The following DECR2 variants were observed in gnomAD, a reference collection of about 807,000 sequenced individuals.
DECR2 encodes 2,4-dienoyl-CoA reductase 2.
A neutral mutation model predicts 29.2 loss-of-function variants in DECR2; 34 were observed. The ratio of observed to expected loss-of-function variants is 1.16; its 90% CI spans 0.89 to 1.55. The LOEUF (loss-of-function observed/expected upper bound fraction) is 1.55. Among genes scored for constraint, DECR2 ranks in the 40% most tolerant of loss-of-function variants. The pLI, the probability that DECR2 is intolerant of heterozygous loss-of-function variation, is 0.00. For synonymous variants in DECR2, 224 were observed against 182.7 expected (o/e 1.23, Z -1.82); for missense variants, 485 against 425.3 (o/e 1.14, Z -1.23).
At position 410,190 on chromosome 16, in the gene DECR2, T is replaced by C. The variant is rs2054793827; in HGVS notation, c.338-53T>C. On this transcript the variant is annotated intron_variant, in intron 4 of 8. Transcript: ENST00000219481. The surrounding 1 kb of genome is among the most constrained non-coding windows in gnomAD (Gnocchi z 4.1). ...CTCTGCCCACCTGGCCACCACCCAC[T>C]TGGCATCCCTCTCCCCAGGCTCCAG... is the stretch of plus-strand genomic sequence containing the variant. 1 of 1,587,302 alleles carries C rather than the reference T, an allele frequency of 6.3e-7. No homozygotes were observed. The highest frequency in any genetic ancestry group is 8.6e-7 in the Non-Finnish European group (1 of 1,165,518).
intron 8 of DECR2, 136 bp from the exon 9 acceptor site, chr16:411,754 C>T (rs574817239): frequency 7.7e-6 from 5 of 649,134 alleles, no homozygotes; most frequent in African/African-American, 3.7e-5. Context: ...AGGAGGCGGG[C>T]GCTGGTGTAC....
At chr16:405,600 A>G in intron 2 of DECR2, 1 of 1,303,972 alleles carries the variant, frequency 7.7e-7, no homozygotes. Context: ...TGGGCAAGCA[A>G]CCCCCGAACC....
chr16:410,455 G>A lies in DECR2; in HGVS notation c.462+88G>A. ...AAGTTCTTCCGGGTGGGTGCCTTGT[G>A]CGCTCTGTGAGAAGTTCTTCCGGGT... On this transcript the variant is annotated intron_variant, in intron 5 of 8. Transcript: ENST00000219481. The surrounding 1 kb of genome is among the most constrained non-coding windows in gnomAD (Gnocchi z 4.1). 6.4e-7 allele frequency: 1 copy of A among 1,566,272 alleles called. No individual in the cohort carries two copies. The highest frequency in any genetic ancestry group is 1.5e-5 in the African/African-American group (1 of 67,788).
chr16:410,584 G>T lies in DECR2; in HGVS notation c.463-107G>T. ...CCCTGCCCTGGGCCTCCCCCTGACGGCCGCCCGCTCCCTGCCCCGGGCCTC... is the reference window on the plus strand; with the variant it reads ...CCCTGCCCTGGGCCTCCCCCTGACGTCCGCCCGCTCCCTGCCCCGGGCCTC... On this transcript the variant is annotated intron_variant, in intron 5 of 8. Transcript: ENST00000219481. This position sits in a 1 kb window ranked among gnomAD's most constrained non-coding sequence, Gnocchi z 4.1. 7.2e-7 allele frequency: 1 copy of T among 1,384,742 alleles called. No homozygotes were observed. The highest frequency in any genetic ancestry group is 2.0e-5 in the Admixed American group (1 of 50,610). 85.8% of individuals were successfully genotyped at this position (1,384,742 alleles called of 1,614,324 possible).
In DECR2 at chr16:401,885, G is replaced by C; in HGVS notation, c.-79G>C. On this transcript the variant is annotated 5_prime_UTR_variant, in exon 1 of 9. Transcript: ENST00000219481. ...TGGGGCGGGGCTCCCGGTTCCAGGCGAGTTCGCAGCTGCGCGCCGGGTCCT... is the reference window on the plus strand; with the variant it reads ...TGGGGCGGGGCTCCCGGTTCCAGGCCAGTTCGCAGCTGCGCGCCGGGTCCT... 7.7e-7 allele frequency: 1 copy of C among 1,291,078 alleles called. No homozygotes were observed. Among genetic ancestry groups the C allele is most frequent in the Non-Finnish European group, 1.0e-6 (1 of 988,272 alleles). The allele number at this position is 1,291,078 out of a possible 1,614,324, so 80.0% of individuals were successfully genotyped here.
intron 3 of DECR2, 23 bp from the exon 4 acceptor site, chr16:407,402 C>T: frequency 1.3e-6 from 2 of 1,595,926 alleles, no homozygotes; most frequent in African/African-American, 1.3e-5. Context: ...GGGCTGCTGT[C>T]TGCCTCTTTA....
chr16:402,665 G>T (rs1473910469), intron 1 of DECR2, among the ~76,000 whole-genome samples: 2 of 151,100 alleles, frequency 1.3e-5, no homozygotes, highest in African/African-American at 4.9e-5. Flanking sequence ...TTTTCAATTG[G>T]CAACATTTTC....
At chr16:406,584 A>T in intron 3 of DECR2, 187 bp downstream of exon 3, 1 of 647,602 alleles carries the variant, frequency 1.5e-6, no homozygotes. Flanking sequence ...TGCAGCCTCC[A>T]CCTCCCAGGA....
chr16:402,410 C>A (rs1269174844), intron 1 of DECR2, among the ~76,000 whole-genome samples: 1 of 151,946 alleles, frequency 6.6e-6, no homozygotes, highest in Non-Finnish European at 1.5e-5. Flanking sequence ...CTGGGATTTA[C>A]AGGCGTGAGC....
rs1420456500 is a variant in DECR2, at chr16:410,549, G to A, written c.463-142G>A. The A allele has an allele frequency of 2.8e-6, 4 of 1,439,118 alleles. No individual in the cohort carries two copies. The highest frequency in any genetic ancestry group is 2.5e-5 in the South Asian group (2 of 79,752). 89.1% of individuals were successfully genotyped at this position (1,439,118 alleles called of 1,614,324 possible). A position where few individuals can be genotyped will look rare whatever the true frequency, so the allele number is the denominator to read the frequency against. On this transcript the variant is annotated intron_variant, in intron 5 of 8. Coordinates refer to ENST00000219481, the MANE Select transcript of DECR2 (RefSeq NM_020664.4). The surrounding 1 kb of genome is among the most constrained non-coding windows in gnomAD (Gnocchi z 4.1). ...CCCTGCCCTGGGCCTCCCCATGACG[G>A]CCGCCCGCTCCCTGCCCTGGGCCTC...
chr16:407,790 CTCCGGGCTCTG>C (rs2054745991), intron 4 of DECR2, among the ~76,000 whole-genome samples: 1 of 1,444 alleles, frequency 6.9e-4, no homozygotes, highest in Non-Finnish European at 2.1e-3. Flanking sequence ...GGGCCTCTGT[CTCCGGGCTCTG>C]TCTCCGGGCC....
chr16:411,295 C>A, intron 7 of DECR2, 66 bp from the exon 8 acceptor site: 1 of 1,480,642 alleles, frequency 6.8e-7, no homozygotes. Flanking sequence ...AGGGAATGAG[C>A]TGGGGGAGAG....
intron 4 of DECR2, among the ~76,000 whole-genome samples, chr16:407,962 T>C (rs1438845899): frequency 9.6e-4 from 52 of 54,260 alleles, no homozygotes; most frequent in Non-Finnish European, 1.6e-3. Context: ...TCCAGGCCTC[T>C]GTCTCCGGCC....
At chr16:411,711 C>T in intron 8 of DECR2, 133 bp downstream of exon 8, 2 of 983,736 alleles carry the variant, frequency 2.0e-6, no homozygotes, top group Admixed American at 2.8e-5. Flanking sequence ...CGCCAGCCTG[C>T]CCACACATGG....
intron 1 of DECR2, 133 bp downstream of exon 1, chr16:402,176 TTTC>T (rs370519205): frequency 4.2e-6 from 3 of 719,052 alleles, no homozygotes; most frequent in Admixed American, 4.4e-5. Context: ...TTCTTTTTTC[TTTC>T]TTTTTTTTTT....
At position 401,936 on chromosome 16, in the gene DECR2, T is replaced by A; in HGVS notation, c.-28T>A. 1.4e-6 allele frequency: 2 copies of A among 1,476,396 alleles called. No individual in the cohort carries two copies. The highest frequency in any genetic ancestry group is 1.8e-6 in the Non-Finnish European group (2 of 1,120,446). 91.5% of individuals were successfully genotyped at this position (1,476,396 alleles called of 1,614,324 possible). A position where few individuals can be genotyped will look rare whatever the true frequency, so the allele number is the denominator to read the frequency against. On this transcript the variant is annotated 5_prime_UTR_variant, in exon 1 of 9. Coordinates refer to ENST00000219481, the MANE Select transcript of DECR2 (RefSeq NM_020664.4). ...GGAGGCCGAGGCCGCTCCCGCCCGTTGTCCCCGCAGTCCCCGACGGGAGCG... is the reference window on the plus strand; with the variant it reads ...GGAGGCCGAGGCCGCTCCCGCCCGTAGTCCCCGCAGTCCCCGACGGGAGCG...
Position 410,089 on chromosome 16 carries a change from C to G in DECR2, c.338-154C>G. On this transcript the variant is annotated intron_variant, in intron 4 of 8. Coordinates refer to ENST00000219481, the MANE Select transcript of DECR2 (RefSeq NM_020664.4). This position sits in a 1 kb window ranked among gnomAD's most constrained non-coding sequence, Gnocchi z 4.1. ...GCCAGGACGCCCGTCTTGCTCTGGT[C>G]ATTTTGGAATTTATCCTAGGGCATG... The G allele has an allele frequency of 4.4e-6, 5 of 1,133,994 alleles. No homozygotes were observed. Among genetic ancestry groups the G allele is most frequent in the Non-Finnish European group, 6.1e-6 (5 of 821,744 alleles). 70.2% of individuals were successfully genotyped at this position (1,133,994 alleles called of 1,614,324 possible). A position where few individuals can be genotyped will look rare whatever the true frequency, so the allele number is the denominator to read the frequency against.
chr16:402,130 G>A (rs1597193494), intron 1 of DECR2, 87 bp downstream of exon 1: 20 of 1,112,052 alleles, frequency 1.8e-5, no homozygotes, highest in Non-Finnish European at 2.3e-5. Flanking sequence ...CCGAGGGCTC[G>A]CGTGTTAGGA....
chr16:411,129 G>C (rs1184811446), intron 7 of DECR2, 53 bp downstream of exon 7: 2 of 1,430,806 alleles, frequency 1.4e-6, no homozygotes, highest in Admixed American at 2.8e-5. Flanking sequence ...TGGGGCACAG[G>C]GTGCCCATGA....
Sources: gnomAD v4.1 joint callset for allele counts (sites outside exome capture counted in the v4.1 genomes callset) on GRCh38, gnomAD v4.1.1 for gene constraint, Gnocchi (gnomAD v3.1) non-coding constraint, MANE v1.5 for transcripts, NCBI Gene and HGNC (gene_info 2026-07-23, HGNC 2026-07-21) for gene names.